Variants in ZNF460 observed in about 807,000 individuals in gnomAD.
ZNF460 encodes zinc finger protein 272.
A neutral mutation model predicts 8.4 loss-of-function variants in ZNF460; 1 was observed. The ratio of observed to expected loss-of-function variants is 0.12; its 90% confidence interval spans 0.04 to 0.56. ZNF460 has a LOEUF of 0.56. Ranked by LOEUF, ZNF460 falls within the 20% of genes least tolerant of loss-of-function variation. ZNF460 has a pLI of 0.91. For missense variants in ZNF460, 477 were observed against 714.8 expected (o/e 0.67, Z 3.79); for synonymous variants, 262 against 259.9 (o/e 1.01, Z -0.08).
chr19:57,288,795 A>G (rs2087896284), intron 2 of ZNF460, among the ~76,000 whole-genome samples: 1 of 151,422 alleles, frequency 6.6e-6, no homozygotes, highest in African/African-American at 2.4e-5. Flanking sequence ...TCTGATCTTC[A>G]CTTTTATGTT....
At chr19:57,282,850 G>A (rs2087849572) in intron 1 of ZNF460, among the ~76,000 whole-genome samples, 1 of 152,004 alleles carries the variant, frequency 6.6e-6, no homozygotes, top group Non-Finnish European at 1.5e-5. Context: ...AATTAGACCG[G>A]CATGGCATCA....
At position 57,282,284 on chromosome 19, in the gene ZNF460, T is replaced by A. The variant is rs148855648; in HGVS notation, c.30+1448T>A. ...TATGGTTATGTTGCTGAATGTACCC[T>A]CCTACTCAGCCAGGATAGATGTAAT... On this transcript the variant is annotated intron_variant, in intron 1 of 2. Transcript: ENST00000360338. Among the ~76,000 whole-genome samples the A allele has an allele frequency of 2.4e-4, 37 of 152,332 alleles. No homozygotes were observed. In the East Asian group the frequency reaches 6.9e-3, roughly 29 times the overall value.
intron 2 of ZNF460, 136 bp downstream of exon 2, chr19:57,284,813 AT>A (rs755694218): frequency 0.095 from 59,886 of 629,710 alleles, 32 homozygotes; most frequent in East Asian, 0.12. Context: ...GCTTTACTCT[AT>A]TTTTTTTTTT....
rs1201751539 is a variant in ZNF460, at chr19:57,292,101, TC to T, written c.1561del (p.Gln521AsnfsTer12). On this transcript the variant is annotated frameshift_variant, in exon 3 of 3. Coordinates refer to ENST00000360338, the MANE Select transcript of ZNF460 (RefSeq NM_006635.4). LOFTEE classifies it low-confidence loss of function (END_TRUNC). ...TTTCTTGTGAGAGCACAGATCTCAT[TC>T]AACACTCCATCATCCACACTGAGAG... ...NVSCESTDLI[Q>X]HSIIHTESSP... 1 of 1,614,140 alleles carries T rather than the reference TC, an allele frequency of 6.2e-7. No individual in the cohort carries two copies. The highest frequency in any genetic ancestry group is 2.2e-5 in the East Asian group (1 of 44,872).
In ZNF460 at chr19:57,293,217, C is replaced by T. The variant is rs2087931926; in HGVS notation, c.*987C>T. 1 of 152,024 alleles carries T rather than the reference C, an allele frequency of 6.6e-6. No homozygotes were observed. The highest frequency in any genetic ancestry group is 2.1e-4 in the South Asian group (1 of 4,826). The allele number at this position is 152,024 out of a possible 1,614,324, so 9.4% of individuals were successfully genotyped here. A position where few individuals can be genotyped will look rare whatever the true frequency, so the allele number is the denominator to read the frequency against. On this transcript the variant is annotated 3_prime_UTR_variant, in exon 3 of 3. Transcript: ENST00000360338. ...TTCACCTCAACAATTTTCTAGAGGT[C>T]AATTTGGAACCAAAAATGAAATAAG... is the stretch of plus-strand genomic sequence containing the variant.
chr19:57,292,173 T>G lies in ZNF460; in HGVS notation c.1632T>G (p.Ala544=). The change falls in exon 3 of 3, where the codon GCT becomes GCG. Residue 544 remains alanine (A), a synonymous_variant. Coordinates refer to ENST00000360338, the MANE Select transcript of ZNF460 (RefSeq NM_006635.4). ...ATATGGAAACGCCTTCAATTGCCGCTCATTCCTCCTCACTCGACATCAACG... is the reference window on the plus strand; with the variant it reads ...ATATGGAAACGCCTTCAATTGCCGCGCATTCCTCCTCACTCGACATCAACG... ...AVNMETPSIA[A]HSSSLDINGF... 1.2e-6 allele frequency: 2 copies of G among 1,614,174 alleles called. No individual in the cohort carries two copies. Among genetic ancestry groups the G allele is most frequent in the Non-Finnish European group, 1.7e-6 (2 of 1,180,018 alleles).
At chr19:57,283,250 A>C (rs931161740) in intron 1 of ZNF460, among the ~76,000 whole-genome samples, 2 of 151,572 alleles carry the variant, frequency 1.3e-5, no homozygotes, top group African/African-American at 2.4e-5. Context: ...GCTCACTGCA[A>C]CCATCGCCTC....
intron 2 of ZNF460, among the ~76,000 whole-genome samples, chr19:57,289,333 T>C (rs1366456523): frequency 6.6e-6 from 1 of 152,144 alleles, no homozygotes; most frequent in East Asian, 1.9e-4. Context: ...CTCCGCCCCT[T>C]CCTGTCTCTG....
chr19:57,287,444 A>C (rs755051158), intron 2 of ZNF460, among the ~76,000 whole-genome samples: 6 of 152,184 alleles, frequency 3.9e-5, no homozygotes, highest in Non-Finnish European at 7.3e-5. Flanking sequence ...ACTCGTGTGT[A>C]CATATCAGGT....
rs939481034 is a variant in ZNF460 at position 57,284,531 on chromosome 19, G to A, written c.31-20G>A. On this transcript the variant is annotated intron_variant, in intron 1 of 2. Coordinates refer to ENST00000360338, the MANE Select transcript of ZNF460 (RefSeq NM_006635.4). The stretch of plus-strand genomic sequence containing the variant: ...CCACAGTTGCAAAGGAAACATTACT[G>A]GTTCTTTTTGACTTTTCAGGAGTCT... 1.9e-6 allele frequency: 3 copies of A among 1,608,068 alleles called. No individual in the cohort carries two copies. The African/African-American group carries it at 4.0e-5, about 22-fold the overall frequency.
intron 1 of ZNF460, among the ~76,000 whole-genome samples, chr19:57,281,512 T>C (rs371448593): frequency 6.6e-6 from 1 of 151,844 alleles, no homozygotes; most frequent in Non-Finnish European, 1.5e-5. Context: ...TGCTGTGGGC[T>C]GATCGGTGAG....
chr19:57,282,563 G>A lies in ZNF460; in HGVS notation c.30+1727G>A, dbSNP rs137889307. On this transcript the variant is annotated intron_variant, in intron 1 of 2. Coordinates refer to ENST00000360338, the MANE Select transcript of ZNF460 (RefSeq NM_006635.4). ...CACTTCTCTGCCCTTGTCCATGGGA[G>A]TGGCTGAAATGTATATGTGGATTTG... Among the ~76,000 whole-genome samples, 542 of 152,358 alleles carry A rather than the reference G, an allele frequency of 3.6e-3. 6 individuals carry two copies. Among genetic ancestry groups the A allele is most frequent in the Middle Eastern group, 0.02 (6 of 294 alleles).
chr19:57,284,927 C>T (rs1484571288), intron 2 of ZNF460, among the ~76,000 whole-genome samples: 1 of 151,770 alleles, frequency 6.6e-6, no homozygotes, highest in Non-Finnish European at 1.5e-5. Context: ...AGTGATTCTC[C>T]TGCCTCAGCC....
Position 57,291,846 on chromosome 19 carries a change from C to T in ZNF460, c.1305C>T (p.Leu435=), listed in dbSNP as rs752174821. The change falls in exon 3 of 3, where the codon CTC becomes CTT. Residue 435 remains leucine, a synonymous_variant. Transcript: ENST00000360338. This position sits in a 1 kb window ranked among gnomAD's most constrained non-coding sequence, Gnocchi z 8.4. ...AGGCTTTTACCCGCATGTCAGGGCT[C>T]ACAAGGCACCAGTGGATTCATACTG... The part of the protein sequence containing the change: ...CGKAFTRMSG[L]TRHQWIHTGE... 1.2e-6 allele frequency: 2 copies of T among 1,614,106 alleles called. No homozygotes were observed. Among genetic ancestry groups the T allele is most frequent in the Non-Finnish European group, 1.7e-6 (2 of 1,180,002 alleles).
chr19:57,284,202 T>G (rs1392670122), intron 1 of ZNF460, among the ~76,000 whole-genome samples: 1 of 150,150 alleles, frequency 6.7e-6, no homozygotes, highest in Admixed American at 6.7e-5. Context: ...CTTTATTTAT[T>G]TATTTATTTA....
At chr19:57,287,136 G>C (rs569658441) in intron 2 of ZNF460, among the ~76,000 whole-genome samples, 67 of 152,256 alleles carry the variant, frequency 4.4e-4, no homozygotes, top group African/African-American at 1.6e-3. Context: ...GCACAGATTG[G>C]TTGGCTGTTG....
rs2087832654 is a variant in ZNF460, at chr19:57,280,814, C to T, written c.8C>T (p.Ala3Val). The T allele has an allele frequency of 2.5e-6, 4 of 1,614,038 alleles. No individual in the cohort carries two copies. Among genetic ancestry groups the T allele is most frequent in the Non-Finnish European group, 3.4e-6 (4 of 1,179,994 alleles). Residue 3 changes from alanine (A) to valine (V), a missense_variant, in exon 1 of 3, where the codon GCG (alanine) becomes GTG (valine). Ala to Val is a moderately conservative substitution (Grantham distance 64, BLOSUM62 0). Around this residue, in one of 5 missense-constraint regions of ZNF460, gnomAD observed 22 missense variants for 22.3 expected, o/e 0.99. Coordinates refer to ENST00000360338, the MANE Select transcript of ZNF460 (RefSeq NM_006635.4). MA[A>V]AWMAPAQESV... Reference sequence around the variant, plus strand: ...ATCCGCGGCATTCCCGGGATGGCGGCGGCGTGGATGGCTCCGGCGCAGGTG... The same window carrying T: ...ATCCGCGGCATTCCCGGGATGGCGGTGGCGTGGATGGCTCCGGCGCAGGTG...
At chr19:57,290,601 A>G (rs1283533919) in intron 2 of ZNF460, 98 bp from the exon 3 acceptor site, 4 of 1,187,224 alleles carry the variant, frequency 3.4e-6, no homozygotes, top group Non-Finnish European at 4.7e-6. Flanking sequence ...CTATTTTCAA[A>G]TCATCACTAT....
rs777070288 is a variant in ZNF460 at position 57,280,766 on chromosome 19, C to T, written c.-41C>T. ...TCAGCCGAGGTCGCCCCGCCCAGGA[C>T]AGAGAAGGGCTGTGGTCGGCTGATC... On this transcript the variant is annotated 5_prime_UTR_variant, in exon 1 of 3. Transcript: ENST00000360338. 6.6e-5 allele frequency: 107 copies of T among 1,613,226 alleles called. No homozygotes were observed. Among genetic ancestry groups the T allele is most frequent in the Non-Finnish European group, 8.8e-5 (104 of 1,179,694 alleles).
Sources: gnomAD v4.1 joint callset for allele counts (sites outside exome capture counted in the v4.1 genomes callset) on GRCh38, gnomAD v4.1.1 for gene constraint, gnomAD v4.1.1 regional missense constraint, Gnocchi (gnomAD v3.1) non-coding constraint, MANE v1.5 for transcripts, NCBI Gene and HGNC (gene_info 2026-07-23, HGNC 2026-07-21) for gene names.